FTSJ3: variants seen among roughly 807,000 people sequenced by gnomAD.
FTSJ3 encodes the protein pre-rRNA 2'-O-ribose RNA methyltransferase FTSJ3.
In FTSJ3, 46 loss-of-function variants were observed where a neutral mutation model predicts 111.5. The ratio of observed to expected loss-of-function variants is 0.41; its 90% CI spans 0.33 to 0.53. The LOEUF is 0.53. Ranked by LOEUF, FTSJ3 falls within the 20% of genes least tolerant of loss-of-function variation. The probability of loss-of-function intolerance (pLI) is 0.19; values close to 1 mark genes in which losing one functional copy is unlikely to be tolerated. For missense variants in FTSJ3, 1,075 were observed against 1,063.8 expected, an observed-to-expected ratio of 1.01 and a Z score of -0.15; for synonymous variants, 408 against 383.0, an observed-to-expected ratio of 1.07 and a Z score of -0.76.
At chr17:63,820,579 G>C (rs1173324750) in intron 18 of FTSJ3, 141 bp from the exon 19 acceptor site, 5 of 826,434 alleles carry the variant, frequency 6.1e-6, no homozygotes, top group Non-Finnish European at 9.5e-6. Flanking sequence ...TCAGGAGTTT[G>C]ACCAGCCTGG....
At position 63,825,175 on chromosome 17, in the gene FTSJ3, A is replaced by G. The variant is rs2040086352; in HGVS notation, c.596-12T>C. The G allele has an allele frequency of 1.2e-6, 2 of 1,613,986 alleles. No homozygotes were observed. The highest frequency in any genetic ancestry group is 1.7e-6 in the Non-Finnish European group (2 of 1,179,856). On this transcript the variant is annotated splice_polypyrimidine_tract_variant and intron_variant, in intron 7 of 20. Coordinates refer to ENST00000427159, the MANE Select transcript of FTSJ3 (RefSeq NM_017647.4). The stretch of plus-strand genomic sequence containing the variant: ...AGGGGCCAGGAATCCTAAAAATGAC[A>G]GGATATATTAAAAAGTGTGCTTTGG...
rs1598352670 is a variant in FTSJ3, at chr17:63,827,599, G to A, written c.-574C>T. 6.5e-7 allele frequency: 1 copy of A among 1,550,156 alleles called. No homozygotes were observed. The highest frequency in any genetic ancestry group is 8.7e-7 in the Non-Finnish European group (1 of 1,146,334). ...TCTGAGTGGAGAGCGGGCCGGGGCA[G>A]GAGCGTCGGGTGGGTCGGAGGTGCC... On this transcript the variant is annotated 5_prime_UTR_variant, in exon 1 of 21. Transcript: ENST00000427159.
At position 63,821,153 on chromosome 17, in the gene FTSJ3, CTG is replaced by C. The variant is rs766183465; in HGVS notation, c.1887-40_1887-39del. ...GAGGACTCTGAGTGATTCCACCACT[CTG>C]TACTACTCAGACCGCACTCCCACGG... On this transcript the variant is annotated intron_variant, in intron 16 of 20. Coordinates refer to ENST00000427159, the MANE Select transcript of FTSJ3 (RefSeq NM_017647.4). 9.6e-5 allele frequency: 153 copies of C among 1,601,390 alleles called. No individual in the cohort carries two copies. In the South Asian group the frequency reaches 1.3e-3, roughly 13 times the overall value.
rs770124798 is a variant in FTSJ3, at chr17:63,819,837, G to A, written c.2509C>T (p.Arg837Cys). 17 of 1,613,572 alleles carry A rather than the reference G, an allele frequency of 1.1e-5. No individual in the cohort carries two copies. Among genetic ancestry groups the A allele is most frequent in the Middle Eastern group, 1.6e-4 (1 of 6,082 alleles). Reference sequence around the variant, plus strand: ...TTGTGTTTTTTCTTTTGTTCCTTACGTTGCTGTGCTCTTTGGTCCTTCTTC... The same window carrying A: ...TTGTGTTTTTTCTTTTGTTCCTTACATTGCTGTGCTCTTTGGTCCTTCTTC... ...RMKKDQRAQQ[R>C]KEQKKKHKRK The change falls in exon 21 of 21, where the codon CGT becomes TGT. Residue 837 changes from arginine (R) to cysteine (C), a missense_variant. Around this residue, in one of 2 missense-constraint regions of FTSJ3, gnomAD observed 867 missense variants for 796.9 expected, o/e 1.09. Transcript: ENST00000427159.
At position 63,825,413 on chromosome 17, in the gene FTSJ3, G is replaced by C. The variant is rs753477986; in HGVS notation, c.424C>G (p.Arg142Gly). ...CGGGCCAAAAAGTCACAAGCCAAAC[G>C]TAGAGCCATCAGTGTCAAATGGGCT... ...SQAHLTLMAL[R>G]LACDFLARGG... is the part of the protein sequence containing the mutation. The change falls in exon 7 of 21, where the codon CGT becomes GGT. Residue 142 changes from arginine (R) to glycine (G), a missense_variant. Arg to Gly is a moderately radical substitution (Grantham distance 125, BLOSUM62 -2). Transcript: ENST00000427159. 1 of 1,614,168 alleles carries C rather than the reference G, an allele frequency of 6.2e-7. No individual in the cohort carries two copies. Among genetic ancestry groups the C allele is most frequent in the South Asian group, 1.1e-5 (1 of 91,086 alleles).
In FTSJ3 at chr17:63,826,572, C is replaced by A. The variant is rs61732746; in HGVS notation, c.168G>T (p.Gly56=). Residue 56 remains glycine (G), a synonymous_variant, in exon 3 of 21, where the codon GGG becomes GGT. Coordinates refer to ENST00000427159, the MANE Select transcript of FTSJ3 (RefSeq NM_017647.4). ...RALLDLCAAP[G]GWLQVAAKFM... Reference sequence around the variant, plus strand: ...CTGTGGCGAGTGTTACGAACCATCCCCCTGGCGCAGCACACAGGTCCAGCA... The same window carrying A: ...CTGTGGCGAGTGTTACGAACCATCCACCTGGCGCAGCACACAGGTCCAGCA... 4.3e-6 allele frequency: 7 copies of A among 1,613,228 alleles called. No homozygotes were observed. In the East Asian group the frequency reaches 1.6e-4, roughly 36 times the overall value.
Position 63,820,840 on chromosome 17 carries a change from G to C in FTSJ3, c.2071C>G (p.Arg691Gly). 6.2e-7 allele frequency: 1 copy of C among 1,609,458 alleles called. No homozygotes were observed. Among genetic ancestry groups the C allele is most frequent in the Non-Finnish European group, 8.5e-7 (1 of 1,175,928 alleles). The change falls in exon 18 of 21, where the codon CGG becomes GGG. Residue 691 changes from arginine (R) to glycine (G), a missense_variant and splice_region_variant. By Grantham distance (125) the Arg-to-Gly change is moderately radical. Coordinates refer to ENST00000427159, the MANE Select transcript of FTSJ3 (RefSeq NM_017647.4). ...KRDLIDNSFN[R>G]YTFNEDEGEL... ...TTGATGAGTTTATGGCCCCTTTACCGGTTGAAGGAGTTATCTATGAGGTCT... is the reference window on the plus strand; with the variant it reads ...TTGATGAGTTTATGGCCCCTTTACCCGTTGAAGGAGTTATCTATGAGGTCT...
chr17:63,820,724 C>G, intron 18 of FTSJ3, 115 bp downstream of exon 18: 1 of 641,990 alleles, frequency 1.6e-6, no homozygotes, highest in Non-Finnish European at 2.6e-6. Context: ...GAGCCAAGAT[C>G]GTGCCATTGC....
chr17:63,819,774 T>G lies in FTSJ3; in HGVS notation c.*28A>C, dbSNP rs1409186837. On this transcript the variant is annotated 3_prime_UTR_variant, in exon 21 of 21. Coordinates refer to ENST00000427159, the MANE Select transcript of FTSJ3 (RefSeq NM_017647.4). Reference sequence around the variant, plus strand: ...GCCACACCCTTCCTCCTAGTCCCCATGCTCTCCTGGGAGCCTGGCAGCTCT... The same window carrying G: ...GCCACACCCTTCCTCCTAGTCCCCAGGCTCTCCTGGGAGCCTGGCAGCTCT... The G allele has an allele frequency of 2.5e-6, 4 of 1,589,726 alleles. No individual in the cohort carries two copies. The African/African-American group carries it at 4.0e-5, about 16-fold the overall frequency.
At position 63,826,316 on chromosome 17, in the gene FTSJ3, A is replaced by G. The variant is rs1824448579; in HGVS notation, c.174-12T>C. ...CAGCTACCTGCAGCCTATAAAAGGAACAGAAATTTAAAAACCTAGAGCCAT... is the reference window on the plus strand; with the variant it reads ...CAGCTACCTGCAGCCTATAAAAGGAGCAGAAATTTAAAAACCTAGAGCCAT... On this transcript the variant is annotated splice_polypyrimidine_tract_variant and intron_variant, in intron 3 of 20. Transcript: ENST00000427159. The G allele has an allele frequency of 6.2e-7, 1 of 1,613,682 alleles. No homozygotes were observed. The highest frequency in any genetic ancestry group is 8.5e-7 in the Non-Finnish European group (1 of 1,179,804).
Position 63,826,138 on chromosome 17 carries a change from G to A in FTSJ3, c.221-3C>T, listed in dbSNP as rs774080148. On this transcript the variant is annotated splice_region_variant and splice_polypyrimidine_tract_variant and intron_variant, in intron 4 of 20. Coordinates refer to ENST00000427159, the MANE Select transcript of FTSJ3 (RefSeq NM_017647.4). The stretch of plus-strand genomic sequence containing the variant: ...CTTGATTGGAACCAGGTCCACTCCT[G>A]GAAGAAATCAGGTCAGAGTATTCTA... The A allele has an allele frequency of 8.7e-6, 14 of 1,613,906 alleles. No homozygotes were observed. In the South Asian group the frequency reaches 1.2e-4, roughly 14 times the overall value.
At position 63,827,151 on chromosome 17, in the gene FTSJ3, T is replaced by G. The variant is rs143407819; in HGVS notation, c.-126A>C. The G allele has an allele frequency of 1.6e-6, 1 of 606,760 alleles. No homozygotes were observed. The highest frequency in any genetic ancestry group is 2.7e-5 in the East Asian group (1 of 36,452). The allele number at this position is 606,760 out of a possible 1,614,324, so 37.6% of individuals were successfully genotyped here. A position where few individuals can be genotyped will look rare whatever the true frequency, so the allele number is the denominator to read the frequency against. ...TCCCCTGCGTCCCTGGCTCGAGGTT[T>G]TCCGCCATTTTGAGTGTGGCCCTAG... On this transcript the variant is annotated 5_prime_UTR_variant, in exon 1 of 21. Transcript: ENST00000427159.
At position 63,821,631 on chromosome 17, in the gene FTSJ3, C is replaced by T; in HGVS notation, c.1609G>A (p.Gly537Arg). The T allele has an allele frequency of 9.3e-6, 15 of 1,613,316 alleles. No homozygotes were observed. Among genetic ancestry groups the T allele is most frequent in the Non-Finnish European group, 1.3e-5 (15 of 1,179,348 alleles). Residue 537 changes from glycine to arginine, a missense_variant, in exon 16 of 21, where the codon GGG (glycine) becomes AGG (arginine). By Grantham distance (125) the Gly-to-Arg change is moderately radical. This residue lies in a region of FTSJ3 where 867 missense variants were observed against 796.9 expected (regional missense o/e 1.09). Coordinates refer to ENST00000427159, the MANE Select transcript of FTSJ3 (RefSeq NM_017647.4). ...NLWFSKGSFA[G>R]IEDDADEALE... ...GCCTCATCGGCATCGTCCTCGATCC[C>T]AGCAAAGCTGCCCTGTGATAGGAGA...
chr17:63,823,855 T>C lies in FTSJ3; in HGVS notation c.1252A>G (p.Thr418Ala). Reference protein sequence around the residue: ...PGVSIADEGETGMFSLSTIRG... With the variant: ...PGVSIADEGEAGMFSLSTIRG... ...ATGGTGCTCAAGGAGAACATGCCAGTCTCCCCCTCGTCTGCAATGGAAACC... is the reference window on the plus strand; with the variant it reads ...ATGGTGCTCAAGGAGAACATGCCAGCCTCCCCCTCGTCTGCAATGGAAACC... Residue 418 changes from threonine (T) to alanine (A), a missense_variant, in exon 13 of 21, where the codon ACT becomes GCT. This residue lies in a region of FTSJ3 where 867 missense variants were observed against 796.9 expected (regional missense o/e 1.09). Coordinates refer to ENST00000427159, the MANE Select transcript of FTSJ3 (RefSeq NM_017647.4). 1.2e-6 allele frequency: 2 copies of C among 1,614,046 alleles called. No individual in the cohort carries two copies. Among genetic ancestry groups the C allele is most frequent in the Non-Finnish European group, 1.7e-6 (2 of 1,180,020 alleles).
chr17:63,821,875 A>G (rs753742880), intron 14 of FTSJ3, 32 bp from the exon 15 acceptor site: 11 of 1,613,948 alleles, frequency 6.8e-6, no homozygotes, highest in Admixed American at 1.7e-5. Flanking sequence ...GGGGGCTCAG[A>G]GACCCAGATT....
Position 63,825,191 on chromosome 17 carries a change from T to C in FTSJ3, c.596-28A>G, listed in dbSNP as rs754467637. The C allele has an allele frequency of 4.3e-6, 7 of 1,613,742 alleles. No individual in the cohort carries two copies. In the East Asian group the frequency reaches 1.3e-4, roughly 31 times the overall value. On this transcript the variant is annotated intron_variant, in intron 7 of 20. Transcript: ENST00000427159. Reference sequence around the variant, plus strand: ...AAAAATGACAGGATATATTAAAAAGTGTGCTTTGGGAGTTGGGAGCCTGGA... The same window carrying C: ...AAAAATGACAGGATATATTAAAAAGCGTGCTTTGGGAGTTGGGAGCCTGGA...
At chr17:63,824,976 C>T (rs773701481) in intron 8 of FTSJ3, 47 bp from the exon 9 acceptor site, 1 of 1,582,254 alleles carries the variant, frequency 6.3e-7, no homozygotes, top group South Asian at 1.1e-5. Context: ...TCTAAGGTAC[C>T]TGTAGGACCC....
rs770085146 is a variant in FTSJ3, at chr17:63,823,857, TC to T, written c.1249del (p.Glu417ArgfsTer7). ...LPGVSIADEG[E>X]TGMFSLSTIR... ...GGTGCTCAAGGAGAACATGCCAGTC[TC>T]CCCCTCGTCTGCAATGGAAACCCCA... is the stretch of plus-strand genomic sequence containing the variant. On this transcript the variant is annotated frameshift_variant, in exon 13 of 21. Coordinates refer to ENST00000427159, the MANE Select transcript of FTSJ3 (RefSeq NM_017647.4). LOFTEE classifies it high-confidence loss of function. 10 of 1,613,668 alleles carry T rather than the reference TC, an allele frequency of 6.2e-6. No homozygotes were observed. In the African/African-American group the frequency reaches 1.3e-4, roughly 22 times the overall value.
intron 5 of FTSJ3, 196 bp downstream of exon 5, chr17:63,825,860 C>T: frequency 1.6e-6 from 1 of 634,212 alleles, no homozygotes; most frequent in Non-Finnish European, 2.7e-6. Flanking sequence ...TGCCCTTCTC[C>T]CAATTCCAAA....
Sources: gnomAD v4.1 joint callset for allele counts on GRCh38, gnomAD v4.1.1 for gene constraint, gnomAD v4.1.1 regional missense constraint, MANE v1.5 for transcripts, NCBI Gene and HGNC (gene_info 2026-07-23, HGNC 2026-07-21) for gene names.